PKHD1: variants seen among roughly 807,000 people sequenced by gnomAD.
PKHD1 encodes fibrocystin.
A neutral mutation model predicts 412.0 loss-of-function variants in PKHD1; 291 were observed. That is an observed-to-expected ratio of 0.71 (90% CI 0.64 to 0.78). The LOEUF (loss-of-function observed/expected upper bound fraction) is 0.78. Ranked by LOEUF, PKHD1 falls within the 30% of genes least tolerant of loss-of-function variation. PKHD1 has a pLI of 0.00. For synonymous variants in PKHD1, 1,777 were observed against 1,821.5 expected, an observed-to-expected ratio of 0.98 and a Z score of 0.62; for missense variants, 4,825 against 4,950.7, an observed-to-expected ratio of 0.97 and a Z score of 0.76.
intron 55 of PKHD1, 102 bp downstream of exon 55, chr6:51,772,600 A>G (rs1790336291): frequency 1.6e-6 from 1 of 617,368 alleles, no homozygotes; most frequent in Non-Finnish European, 2.9e-6. Context: ...CTTTAATTAT[A>G]ATGTTTAACC....
intron 52 of PKHD1, among the ~76,000 whole-genome samples, chr6:51,802,811 C>G (rs1763140995): frequency 6.6e-6 from 1 of 150,972 alleles, no homozygotes; most frequent in African/African-American, 2.5e-5. Context: ...CTGCTTGACA[C>G]TAGACAGGGC....
intron 60 of PKHD1, among the ~76,000 whole-genome samples, chr6:51,704,155 C>T (rs1779753696): frequency 6.6e-6 from 1 of 152,046 alleles, no homozygotes; most frequent in South Asian, 2.1e-4. Flanking sequence ...TTCTGGCATG[C>T]AATCTATTTT....
intron 35 of PKHD1, among the ~76,000 whole-genome samples, chr6:51,963,245 T>C (rs1004304319): frequency 9.9e-5 from 15 of 152,122 alleles, no homozygotes; most frequent in African/African-American, 3.6e-4. Context: ...GAGACTCAGA[T>C]TCGATCTCAT....
chr6:51,671,526 C>G (rs943739907), intron 60 of PKHD1, among the ~76,000 whole-genome samples: 4 of 152,230 alleles, frequency 2.6e-5, no homozygotes, highest in African/African-American at 9.6e-5. Flanking sequence ...ATTTGATCGT[C>G]TGAAGCCTTC....
intron 60 of PKHD1, among the ~76,000 whole-genome samples, chr6:51,701,222 A>T (rs59880227): frequency 0.018 from 2,715 of 152,220 alleles, 92 homozygotes; most frequent in African/African-American, 0.062. Flanking sequence ...AGATCTTTTT[A>T]AAAAAATTTT....
intron 52 of PKHD1, among the ~76,000 whole-genome samples, chr6:51,793,588 T>C (rs759852065): frequency 4.6e-5 from 7 of 152,180 alleles, no homozygotes; most frequent in Non-Finnish European, 7.3e-5. Flanking sequence ...ATCACTTAGC[T>C]CCCACTTACA....
At chr6:52,018,738 T>C (rs1464194978) in intron 33 of PKHD1, among the ~76,000 whole-genome samples, 2 of 152,104 alleles carry the variant, frequency 1.3e-5, no homozygotes, top group African/African-American at 4.8e-5. Context: ...TGATCTTGAA[T>C]TCCTGAGCTC....
At chr6:51,950,199 G>A (rs1457630517) in intron 36 of PKHD1, among the ~76,000 whole-genome samples, 2 of 63,508 alleles carry the variant, frequency 3.1e-5, no homozygotes, top group African/African-American at 1.1e-4. Flanking sequence ...CAGTCAAATG[G>A]GCAATATAGA....
intron 65 of PKHD1, among the ~76,000 whole-genome samples, chr6:51,630,174 G>A (rs577080459): frequency 1.2e-3 from 184 of 152,230 alleles, no homozygotes; most frequent in Admixed American, 2.2e-3. Flanking sequence ...CCATTGAGAT[G>A]GCACTTTAAG....
At chr6:51,982,895 A>AAAAT (rs1562054980) in intron 35 of PKHD1, among the ~76,000 whole-genome samples, 24 of 138,894 alleles carry the variant, frequency 1.7e-4, no homozygotes, top group East Asian at 8.0e-4. Flanking sequence ...TAAAATAAAA[A>AAAAT]AAAGAGAGGC....
chr6:51,710,233 A>G (rs1780501806), intron 60 of PKHD1, among the ~76,000 whole-genome samples: 1 of 152,060 alleles, frequency 6.6e-6, no homozygotes, highest in South Asian at 2.1e-4. Context: ...TTATTTTCAG[A>G]TATAGAATTG....
chr6:51,855,680 T>TA (rs1773173800), intron 49 of PKHD1, among the ~76,000 whole-genome samples: 1 of 152,220 alleles, frequency 6.6e-6, no homozygotes, highest in Non-Finnish European at 1.5e-5. Flanking sequence ...AAATAGATTC[T>TA]AAAATTTTCA....
At chr6:51,756,672 A>C (rs989355025) in intron 55 of PKHD1, among the ~76,000 whole-genome samples, 2 of 152,180 alleles carry the variant, frequency 1.3e-5, no homozygotes, top group Non-Finnish European at 2.9e-5. Flanking sequence ...GAAAATAGGA[A>C]AGATGCATGT....
intron 60 of PKHD1, among the ~76,000 whole-genome samples, chr6:51,734,775 C>T (rs1384710150): frequency 6.6e-6 from 1 of 151,716 alleles, no homozygotes; most frequent in Non-Finnish European, 1.5e-5. Context: ...TGCCACCTGA[C>T]GAGTACTATG....
chr6:51,919,089 T>C (rs1193698164), intron 37 of PKHD1, among the ~76,000 whole-genome samples: 1 of 152,212 alleles, frequency 6.6e-6, no homozygotes, highest in African/African-American at 2.4e-5. Flanking sequence ...GCCTGTTCAC[T>C]CTCATGATAG....
intron 35 of PKHD1, among the ~76,000 whole-genome samples, chr6:51,988,419 A>G (rs990586944): frequency 1.3e-5 from 2 of 152,256 alleles, no homozygotes; most frequent in African/African-American, 4.8e-5. Flanking sequence ...TTAGAAACTT[A>G]AAAGTACAAA....
chr6:51,721,028 G>C (rs1781863343), intron 60 of PKHD1: 1 of 981,034 alleles, frequency 1.0e-6, no homozygotes, highest in Admixed American at 6.2e-5. Flanking sequence ...ATGGGTAAGG[G>C]AAGTATTTGA....
At chr6:51,675,619 G>A (rs1366362793) in intron 60 of PKHD1, among the ~76,000 whole-genome samples, 1 of 152,158 alleles carries the variant, frequency 6.6e-6, no homozygotes, top group East Asian at 1.9e-4. Flanking sequence ...GTGCTTGTAA[G>A]AGGGGCTGAG....
chr6:52,042,396 G>C (rs900530729), intron 27 of PKHD1, among the ~76,000 whole-genome samples: 54 of 152,142 alleles, frequency 3.5e-4, no homozygotes, highest in Non-Finnish European at 5.4e-4. Flanking sequence ...TGAGATTCTT[G>C]CAATCTGGCT....
Sources: allele counts gnomAD v4.1 joint callset (sites outside exome capture counted in the v4.1 genomes callset), GRCh38; gene constraint gnomAD v4.1.1; transcripts MANE v1.5; gene names NCBI Gene and HGNC (gene_info 2026-07-23, HGNC 2026-07-21).